PTPRD: variants seen among roughly 807,000 people sequenced by gnomAD.
PTPRD encodes the protein receptor-type tyrosine-protein phosphatase delta.
In PTPRD, 34 loss-of-function variants were observed where a neutral mutation model predicts 214.5. The ratio of observed to expected loss-of-function variants is 0.16; its 90% CI spans 0.12 to 0.21. PTPRD has a LOEUF of 0.21. Among genes scored for constraint, PTPRD ranks in the 10% least tolerant of loss-of-function variants. The pLI is 1.00. For synonymous variants in PTPRD, 1,128 were observed against 845.7 expected (o/e 1.33, Z -5.79); for missense variants, 2,545 against 2,398.7 (o/e 1.06, Z -1.27).
intron 5 of PTPRD, among the ~76,000 whole-genome samples, chr9:9,854,601 A>C (rs2061187423): frequency 6.6e-6 from 1 of 152,082 alleles, no homozygotes; most frequent in South Asian, 2.1e-4. Flanking sequence ...ATTTATTATC[A>C]TTTTTTGTAC....
At chr9:10,161,387 A>G (rs536821474) in intron 3 of PTPRD, among the ~76,000 whole-genome samples, 1 of 151,964 alleles carries the variant, frequency 6.6e-6, no homozygotes, top group South Asian at 2.1e-4. Flanking sequence ...ACTCAGATAT[A>G]AACCTAGGCA....
At chr9:8,871,710 T>G (rs1166739212) in intron 11 of PTPRD, among the ~76,000 whole-genome samples, 1 of 152,084 alleles carries the variant, frequency 6.6e-6, no homozygotes, top group African/African-American at 2.4e-5. Flanking sequence ...ACTTTACCAA[T>G]GAGAAAGACT....
chr9:9,878,378 C>T (rs2067540692), intron 5 of PTPRD, among the ~76,000 whole-genome samples: 1 of 152,044 alleles, frequency 6.6e-6, no homozygotes, highest in East Asian at 1.9e-4. Flanking sequence ...ACTGGGAATG[C>T]TAGCTATCGT....
chr9:8,942,504 G>C (rs951904134), intron 11 of PTPRD, among the ~76,000 whole-genome samples: 5 of 152,130 alleles, frequency 3.3e-5, no homozygotes, highest in African/African-American at 4.8e-5. Flanking sequence ...ACACTTCACT[G>C]AGTGTGGCCA....
chr9:9,921,503 T>A lies in PTPRD; in HGVS notation c.-368+17004A>T, dbSNP rs576649238. 2.0e-3 allele frequency among the ~76,000 whole-genome samples: 304 copies of A among 151,988 alleles called. 2 individuals carry two copies. Among genetic ancestry groups the A allele is most frequent in the African/African-American group, 7.0e-3 (292 of 41,494 alleles). ...ATATCTTAGAATGATTTTTTTAATA[T>A]ATAGATTAAGAAAGTCCTGATTCTT... On this transcript the variant is annotated intron_variant, in intron 5 of 45. Coordinates refer to ENST00000381196, the MANE Select transcript of PTPRD (RefSeq NM_002839.4).
At chr9:9,945,190 G>C (rs1288388215) in intron 4 of PTPRD, among the ~76,000 whole-genome samples, 2 of 152,094 alleles carry the variant, frequency 1.3e-5, no homozygotes, top group African/African-American at 4.8e-5. Context: ...GGAGATCCAC[G>C]TGGAAGTGTC....
chr9:10,203,849 T>C (rs1171391703), intron 3 of PTPRD, among the ~76,000 whole-genome samples: 1 of 152,154 alleles, frequency 6.6e-6, no homozygotes, highest in Non-Finnish European at 1.5e-5. Flanking sequence ...AGTTATTAGA[T>C]CACACCATGA....
At chr9:10,254,385 T>C (rs1051316714) in intron 3 of PTPRD, among the ~76,000 whole-genome samples, 4 of 152,346 alleles carry the variant, frequency 2.6e-5, no homozygotes, top group South Asian at 2.1e-4. Flanking sequence ...ATTTGTTTAA[T>C]ATTTGGGCCA....
intron 2 of PTPRD, among the ~76,000 whole-genome samples, chr9:10,379,252 G>T (rs192307802): frequency 0.035 from 5,268 of 149,048 alleles, 108 homozygotes; most frequent in South Asian, 0.07. Flanking sequence ...TTTTTTTTGT[G>T]TGTGTGTGTG....
At chr9:9,954,868 G>T (rs1459351057) in intron 4 of PTPRD, among the ~76,000 whole-genome samples, 1 of 152,044 alleles carries the variant, frequency 6.6e-6, no homozygotes, top group African/African-American at 2.4e-5. Flanking sequence ...TATTACAAAG[G>T]AATGAGATCA....
chr9:8,977,062 G>C (rs557313756), intron 11 of PTPRD, among the ~76,000 whole-genome samples: 8 of 152,158 alleles, frequency 5.3e-5, no homozygotes, highest in African/African-American at 1.7e-4. Flanking sequence ...GATATCTTCT[G>C]TTACGCATCC....
At chr9:8,509,225 A>C (rs2097616369) in intron 21 of PTPRD, among the ~76,000 whole-genome samples, 1 of 152,168 alleles carries the variant, frequency 6.6e-6, no homozygotes, top group South Asian at 2.1e-4. Context: ...AAATAGGCAA[A>C]CTGCAAAGCA....
At position 8,911,418 on chromosome 9, in the gene PTPRD, TG is replaced by T. The variant is rs1426808724; in HGVS notation, c.-104+107278del. On this transcript the variant is annotated intron_variant, in intron 11 of 45. Transcript: ENST00000381196. ...TGTGTCTGTGTGTGTGTGTGTGTTG[TG>T]TGTGTGTGTGTGTGTGTGTGTGAGA... Among the ~76,000 whole-genome samples the T allele has an allele frequency of 6.3e-3, 929 of 147,098 alleles. 6 individuals are homozygous for T. Among genetic ancestry groups the T allele is most frequent in the South Asian group, 0.041 (193 of 4,714 alleles).
Position 9,879,144 on chromosome 9 carries a change from G to C in PTPRD, c.-368+59363C>G, listed in dbSNP as rs532885842. ...TTAGCCTTAGGCTCCATTCTCCATA[G>C]AGACAGAGTATGAAGGACTAGAGAA... is the stretch of plus-strand genomic sequence containing the variant. On this transcript the variant is annotated intron_variant, in intron 5 of 45. Transcript: ENST00000381196. Among the ~76,000 whole-genome samples, 5 of 152,306 alleles carry C rather than the reference G, an allele frequency of 3.3e-5. No individual in the cohort carries two copies. The East Asian group carries it at 7.7e-4, about 24-fold the overall frequency.
chr9:9,259,610 A>C (rs1255344035), intron 9 of PTPRD, among the ~76,000 whole-genome samples: 1 of 151,888 alleles, frequency 6.6e-6, no homozygotes, highest in Non-Finnish European at 1.5e-5. Context: ...CACTACCAGA[A>C]CTCTAAAGCC....
intron 12 of PTPRD, among the ~76,000 whole-genome samples, chr9:8,685,326 C>T (rs1255141894): frequency 1.3e-5 from 2 of 150,838 alleles, no homozygotes; most frequent in Non-Finnish European, 2.9e-5. Flanking sequence ...TGGAGCAATA[C>T]TCTTTCTTTA....
intron 11 of PTPRD, among the ~76,000 whole-genome samples, chr9:8,791,375 A>G (rs1405900876): frequency 1.3e-5 from 2 of 151,848 alleles, no homozygotes; most frequent in African/African-American, 4.8e-5. Flanking sequence ...ACAGGCGCAC[A>G]CCATCACACC....
rs1185918385 is a variant in PTPRD at position 8,620,324 on chromosome 9, T to G, written c.352+12993A>C. Among the ~76,000 whole-genome samples, 9 of 152,078 alleles carry G rather than the reference T, an allele frequency of 5.9e-5. No homozygotes were observed. In the East Asian group the frequency reaches 1.5e-3, roughly 26 times the overall value. ...TTAAAGAAGAAGCCTAAACCATTCC[T>G]GCCTTCTACCTGTCTCTTCTCCTTT... On this transcript the variant is annotated intron_variant, in intron 14 of 45. Coordinates refer to ENST00000381196, the MANE Select transcript of PTPRD (RefSeq NM_002839.4).
chr9:9,425,995 G>A (rs549782330), intron 8 of PTPRD, among the ~76,000 whole-genome samples: 1 of 152,112 alleles, frequency 6.6e-6, no homozygotes, highest in African/African-American at 2.4e-5. Context: ...ACAGAAGATG[G>A]GTGATTTCTG....
Sources: allele counts gnomAD v4.1 joint callset (sites outside exome capture counted in the v4.1 genomes callset), GRCh38; gene constraint gnomAD v4.1.1; transcripts MANE v1.5; gene names NCBI Gene and HGNC (gene_info 2026-07-23, HGNC 2026-07-21).